PHF20: variants seen among roughly 807,000 people sequenced by gnomAD.
PHF20 encodes the protein glioma-expressed antigen 2.
A neutral mutation model predicts 113.5 loss-of-function variants in PHF20; 23 were observed. The ratio of observed to expected loss-of-function variants is 0.20; its 90% CI spans 0.15 to 0.29. PHF20 has a LOEUF of 0.29. PHF20 is among the 10% of genes least tolerant of loss of function. The pLI is 1.00. For synonymous variants in PHF20, 434 were observed against 457.3 expected, an observed-to-expected ratio of 0.95 and a Z score of 0.65; for missense variants, 943 against 1,219.6, an observed-to-expected ratio of 0.77 and a Z score of 3.38.
intron 4 of PHF20, among the ~76,000 whole-genome samples, chr20:35,851,576 C>A (rs560600687): frequency 6.6e-6 from 1 of 151,698 alleles, no homozygotes; most frequent in African/African-American, 2.4e-5. Flanking sequence ...GCTTCCCCCC[C>A]AACCCCCACC....
chr20:35,803,236 A>G (rs1189692784), intron 2 of PHF20, among the ~76,000 whole-genome samples: 18 of 148,746 alleles, frequency 1.2e-4, no homozygotes, highest in African/African-American at 4.2e-4. Flanking sequence ...TGGGTGACTG[A>G]GCGAGACTCC....
chr20:35,940,199 G>T (rs17093245), intron 16 of PHF20, among the ~76,000 whole-genome samples: 8,039 of 152,188 alleles, frequency 0.053, 322 homozygotes, highest in African/African-American at 0.11. Flanking sequence ...TGAATGAAAG[G>T]TTGAGTTACC....
In PHF20 at chr20:35,828,510, A is replaced by G. The variant is rs148275881; in HGVS notation, c.84-14063A>G. Among the ~76,000 whole-genome samples, 811 of 152,264 alleles carry G rather than the reference A, an allele frequency of 5.3e-3. 9 individuals are homozygous for G. Among genetic ancestry groups the G allele is most frequent in the African/African-American group, 0.019 (778 of 41,550 alleles). On this transcript the variant is annotated intron_variant, in intron 2 of 17. Transcript: ENST00000374012. Reference sequence around the variant, plus strand: ...ACTGTCTGGCTGCTCTAGTTTAAGCACGTGCACGGTATGTAGTATTAGGCA... The same window carrying G: ...ACTGTCTGGCTGCTCTAGTTTAAGCGCGTGCACGGTATGTAGTATTAGGCA...
intron 4 of PHF20, chr20:35,849,340 A>C: frequency 2.3e-6 from 1 of 428,928 alleles, no homozygotes; most frequent in South Asian, 1.8e-5. Context: ...TTAGTAATCT[A>C]CTGTTTAGAT....
chr20:35,819,648 C>CTGTG (rs57252834), intron 2 of PHF20, among the ~76,000 whole-genome samples: 345 of 148,058 alleles, frequency 2.3e-3, no homozygotes, highest in Admixed American at 4.6e-3. Context: ...CTTACACCAT[C>CTGTG]TGTGTGTGTG....
At chr20:35,831,475 T>G (rs1029099558) in intron 2 of PHF20, among the ~76,000 whole-genome samples, 1 of 152,208 alleles carries the variant, frequency 6.6e-6, no homozygotes, top group Non-Finnish European at 1.5e-5. Context: ...GATTAAATTT[T>G]TTTAGAAATA....
intron 1 of PHF20, among the ~76,000 whole-genome samples, chr20:35,779,866 G>T (rs966506128): frequency 6.6e-6 from 1 of 152,120 alleles, no homozygotes; most frequent in Non-Finnish European, 1.5e-5. Context: ...GGGATTTCGA[G>T]GTTGTGGAAA....
At chr20:35,823,781 A>G (rs982688802) in intron 2 of PHF20, among the ~76,000 whole-genome samples, 2 of 152,036 alleles carry the variant, frequency 1.3e-5, no homozygotes. Flanking sequence ...TCCTTTGTCT[A>G]TACAGTTTTG....
intron 3 of PHF20, among the ~76,000 whole-genome samples, chr20:35,843,776 G>A (rs956589500): frequency 1.3e-5 from 2 of 151,880 alleles, no homozygotes; most frequent in Non-Finnish European, 2.9e-5. Flanking sequence ...ACAGTGTCTC[G>A]TATTGTTGCC....
At chr20:35,861,706 C>A (rs201749889) in intron 5 of PHF20, among the ~76,000 whole-genome samples, 42 of 152,294 alleles carry the variant, frequency 2.8e-4, no homozygotes, top group Middle Eastern at 3.4e-3. Flanking sequence ...GAACTCCCAA[C>A]AAGAAGGGCA....
chr20:35,863,441 G>A (rs750402610), intron 6 of PHF20, 41 bp downstream of exon 6: 4 of 1,525,436 alleles, frequency 2.6e-6, no homozygotes, highest in Non-Finnish European at 3.5e-6. Context: ...CAATGCCAGA[G>A]TATTCTTCTG....
intron 9 of PHF20, among the ~76,000 whole-genome samples, chr20:35,879,910 G>A (rs1383537714): frequency 6.6e-6 from 1 of 151,946 alleles, no homozygotes. Context: ...AATCGATTGA[G>A]CCCAGGAGGT....
chr20:35,892,371 G>A (rs1364609512), intron 9 of PHF20, among the ~76,000 whole-genome samples: 2 of 151,112 alleles, frequency 1.3e-5, no homozygotes, highest in South Asian at 2.1e-4. Context: ...CACCGCACCC[G>A]GCCAATTTTG....
intron 6 of PHF20, among the ~76,000 whole-genome samples, chr20:35,866,571 T>C (rs1287842606): frequency 6.6e-6 from 1 of 152,190 alleles, no homozygotes; most frequent in East Asian, 1.9e-4. Context: ...AAGGCAGTTA[T>C]TATACAAGGA....
chr20:35,911,710 G>T (rs2055307145), intron 10 of PHF20, among the ~76,000 whole-genome samples: 1 of 152,200 alleles, frequency 6.6e-6, no homozygotes, highest in Non-Finnish European at 1.5e-5. Context: ...CCAGGCTGGA[G>T]TGCAATGGTG....
At chr20:35,881,554 A>G (rs1317411152) in intron 9 of PHF20, among the ~76,000 whole-genome samples, 1 of 151,582 alleles carries the variant, frequency 6.6e-6, no homozygotes, top group African/African-American at 2.4e-5. Flanking sequence ...AAAAAAAAAA[A>G]AAGAAAAAGA....
chr20:35,933,234 C>CTT (rs1225820635), intron 15 of PHF20, among the ~76,000 whole-genome samples: 5 of 139,546 alleles, frequency 3.6e-5, no homozygotes, highest in African/African-American at 1.0e-4. Context: ...TCAGCTCATT[C>CTT]TTTTTTTTTT....
intron 2 of PHF20, 174 bp downstream of exon 2, chr20:35,801,779 C>A: frequency 7.3e-6 from 4 of 548,950 alleles, no homozygotes; most frequent in Non-Finnish European, 1.3e-5. Flanking sequence ...GTCAGGGTGA[C>A]TGTCCTGTAA....
intron 9 of PHF20, among the ~76,000 whole-genome samples, chr20:35,896,805 A>C: frequency 6.6e-6 from 1 of 151,746 alleles, no homozygotes; most frequent in African/African-American, 2.4e-5. Flanking sequence ...GTCTCAAAAA[A>C]AAAAAAAAAA....
Sources: allele counts gnomAD v4.1 joint callset (sites outside exome capture counted in the v4.1 genomes callset), GRCh38; gene constraint gnomAD v4.1.1; transcripts MANE v1.5; gene names NCBI Gene and HGNC (gene_info 2026-07-23, HGNC 2026-07-21).